Variants in SAXO5 observed in about 807,000 individuals in gnomAD.
The protein encoded by SAXO5 is testis expressed 45.
the SAXO5 span, chr19:7,501,037 G>T: frequency 6.6e-7 from 1 of 1,520,182 alleles, no homozygotes; most frequent in Non-Finnish European, 8.8e-7. Context: ...ATGGACCCGC[G>T]CTGGGACCGG....
At chr19:7,505,411 C>CGAG in the SAXO5 span, 1 of 1,614,118 alleles carries the variant, frequency 6.2e-7, no homozygotes, top group Admixed American at 1.7e-5. Context: ...CCACCAAGGC[C>CGAG]GAGCACTTCT....
the SAXO5 span, chr19:7,506,700 T>C: frequency 2.0e-5 from 7 of 354,096 alleles, no homozygotes; most frequent in African/African-American, 8.7e-5. Flanking sequence ...CCCAAGCTCC[T>C]CCCCCTTTCT....
At chr19:7,501,330 A>G in the SAXO5 span, 4 of 1,569,140 alleles carry the variant, frequency 2.5e-6, no homozygotes, top group Non-Finnish European at 3.4e-6. Context: ...CATCCCGCCC[A>G]CCACGCACCA....
chr19:7,502,903 C>A, the SAXO5 span, among the ~76,000 whole-genome samples: 2 of 152,084 alleles, frequency 1.3e-5, no homozygotes, highest in Non-Finnish European at 2.9e-5. Context: ...CTCCAGGGAC[C>A]CTTTGGGTGA....
chr19:7,504,341 A>G, the SAXO5 span: 3 of 1,614,200 alleles, frequency 1.9e-6, no homozygotes, highest in Admixed American at 5.0e-5. Context: ...GGGAGACTGC[A>G]AGATCAGCTA....
At chr19:7,498,527 G>A in the SAXO5 span, among the ~76,000 whole-genome samples, 8 of 151,556 alleles carry the variant, frequency 5.3e-5, no homozygotes, top group Admixed American at 1.3e-4. Context: ...CTCTGGAGTA[G>A]CTGGGATTAC....
chr19:7,498,099 T>A, the SAXO5 span, among the ~76,000 whole-genome samples: 1 of 141,458 alleles, frequency 7.1e-6, no homozygotes, highest in South Asian at 2.2e-4. Flanking sequence ...TGCAGTGAGC[T>A]GAGAAAAAAA....
the SAXO5 span, among the ~76,000 whole-genome samples, chr19:7,498,170 T>TACACACACACACAC: frequency 1.6e-4 from 23 of 142,514 alleles, no homozygotes; most frequent in African/African-American, 2.3e-4. Context: ...CACACACACA[T>TACACACACACACAC]ACACACACAC....
At chr19:7,507,167 C>T in the SAXO5 span, 24 of 1,575,888 alleles carry the variant, frequency 1.5e-5, no homozygotes, top group African/African-American at 2.6e-4. Context: ...GGGAGCCACC[C>T]ATCATTAGGC....
At chr19:7,499,778 C>A in the SAXO5 span, 1 of 151,928 alleles carries the variant, frequency 6.6e-6, no homozygotes, top group Non-Finnish European at 1.5e-5. Flanking sequence ...TTGAGACCAG[C>A]CTGAGCAACA....
chr19:7,501,099 C>T, the SAXO5 span: 1 of 1,502,312 alleles, frequency 6.7e-7, no homozygotes, highest in Non-Finnish European at 8.8e-7. Context: ...ATCCACGCCG[C>T]CGTGGGAGCT....
chr19:7,501,749 G>A, the SAXO5 span, among the ~76,000 whole-genome samples: 2 of 151,894 alleles, frequency 1.3e-5, no homozygotes, highest in African/African-American at 2.4e-5. Context: ...TGAACCCAGG[G>A]GGCAGAGGTT....
chr19:7,505,405 C>A, the SAXO5 span: 1 of 1,614,226 alleles, frequency 6.2e-7, no homozygotes, highest in Middle Eastern at 1.6e-4. Flanking sequence ...ACAGGACCAC[C>A]AAGGCCGAGC....
chr19:7,505,454 G>A, the SAXO5 span: 3 of 1,613,380 alleles, frequency 1.9e-6, no homozygotes, highest in Non-Finnish European at 2.5e-6. Flanking sequence ...CCTGAGGCCC[G>A]CCCCGTCCCG....
At chr19:7,508,402 C>T in the SAXO5 span, 1 of 1,612,446 alleles carries the variant, frequency 6.2e-7, no homozygotes, top group African/African-American at 1.3e-5. Flanking sequence ...CCCCAGCCCC[C>T]TATGTACCTG....
chr19:7,506,803 C>T, the SAXO5 span: 8 of 497,158 alleles, frequency 1.6e-5, no homozygotes, highest in Non-Finnish European at 2.5e-5. Flanking sequence ...TCCTCCTCCC[C>T]CACCTCCTCC....
At chr19:7,507,745 C>T in the SAXO5 span, among the ~76,000 whole-genome samples, 152 of 152,178 alleles carry the variant, frequency 1.0e-3, no homozygotes, top group African/African-American at 3.4e-3. Flanking sequence ...TCCAGGGACA[C>T]CCCTGGTTTC....
chr19:7,507,117 G>T, the SAXO5 span: 538 of 1,614,004 alleles, frequency 3.3e-4, 2 homozygotes, highest in Non-Finnish European at 2.5e-5. Context: ...CTCCGGCCCC[G>T]GTGACTGAAG....
chr19:7,505,543 ACTC>A, the SAXO5 span: 1 of 1,613,768 alleles, frequency 6.2e-7, no homozygotes, highest in Non-Finnish European at 8.5e-7. Flanking sequence ...CCACGATCAG[ACTC>A]CGGAGTCGCA....
Sources: allele counts gnomAD v4.1 joint callset (sites outside exome capture counted in the v4.1 genomes callset), GRCh38; gene constraint gnomAD v4.1.1; transcripts MANE v1.5; gene names NCBI Gene and HGNC (gene_info 2026-07-23, HGNC 2026-07-21).